Variants in RXFP3 observed in about 807,000 individuals in gnomAD.
RXFP3 encodes relaxin-3 receptor 1.
A neutral mutation model predicts 27.3 loss-of-function variants in RXFP3; 31 were observed. The observed-to-expected ratio is 1.13, with a 90% confidence interval of 0.85 to 1.53. The LOEUF is 1.53. RXFP3 is among the 40% of genes most tolerant of loss of function. RXFP3 has a pLI of 0.00. For synonymous variants in RXFP3, 351 were observed against 293.6 expected, an observed-to-expected ratio of 1.20 and a Z score of -2.00; for missense variants, 684 against 642.1, an observed-to-expected ratio of 1.07 and a Z score of -0.70.
In RXFP3 at chr5:33,936,763, C is replaced by T. The variant is rs1751671451; in HGVS notation, c.23C>T (p.Thr8Met). 6.6e-7 allele frequency: 1 copy of T among 1,525,028 alleles called. No individual in the cohort carries two copies. The highest frequency in any genetic ancestry group is 8.8e-7 in the Non-Finnish European group (1 of 1,134,062). The allele number at this position is 1,525,028 out of a possible 1,614,324, so 94.5% of individuals were successfully genotyped here. A position where few individuals can be genotyped will look rare whatever the true frequency, so the allele number is the denominator to read the frequency against. MQMADAA[T>M]IATMNKAAGG... ...CGCATGCAGATGGCCGATGCAGCCA[C>T]GATAGCCACCATGAATAAGGCAGCA... The change falls in exon 1 of 1, where the codon ACG (threonine) becomes ATG (methionine). Residue 8 changes from threonine to methionine, a missense_variant. Coordinates refer to ENST00000330120, the MANE Select transcript of RXFP3 (RefSeq NM_016568.3).
chr5:33,938,022 G>T lies in RXFP3; in HGVS notation c.1282G>T (p.Asp428Tyr). 6.2e-7 allele frequency: 1 copy of T among 1,612,736 alleles called. No homozygotes were observed. Among genetic ancestry groups the T allele is most frequent in the Non-Finnish European group, 8.5e-7 (1 of 1,179,912 alleles). ...FTATTKPEHE[D>Y]QGLQAPAPPH... is the part of the protein sequence containing the mutation. Reference sequence around the variant, plus strand: ...CGCCACTACCAAGCCGGAGCACGAGGATCAGGGGCTGCAGGCCCCGGCGCC... The same window carrying T: ...CGCCACTACCAAGCCGGAGCACGAGTATCAGGGGCTGCAGGCCCCGGCGCC... Residue 428 changes from aspartate to tyrosine, a missense_variant, in exon 1 of 1, where the codon GAT (aspartate) becomes TAT (tyrosine). Physicochemically the swap from Asp to Tyr is radical, Grantham distance 160 (BLOSUM62 -3). Transcript: ENST00000330120.
Position 33,937,854 on chromosome 5 carries a change from C to T in RXFP3, c.1114C>T (p.Pro372Ser). 6.2e-7 allele frequency: 1 copy of T among 1,614,194 alleles called. No individual in the cohort carries two copies. The highest frequency in any genetic ancestry group is 8.5e-7 in the Non-Finnish European group (1 of 1,180,044). ...TTTCCTGTGCCAGGTATACGCGTTC[C>T]CTGTGAGCGTGTGCCTAGCGCACTC... ...EYFLCQVYAF[P>S]VSVCLAHSNS... is the part of the protein sequence containing the mutation. Residue 372 changes from proline (P) to serine (S), a missense_variant, in exon 1 of 1, where the codon CCT becomes TCT. Coordinates refer to ENST00000330120, the MANE Select transcript of RXFP3 (RefSeq NM_016568.3).
In RXFP3 at chr5:33,938,138, C is replaced by T. The variant is rs573451831; in HGVS notation, c.1398C>T (p.Ser466=). 1.9e-5 allele frequency: 30 copies of T among 1,599,244 alleles called. No homozygotes were observed. The highest frequency in any genetic ancestry group is 3.5e-4 in the Middle Eastern group (2 of 5,760). The part of the protein sequence containing the change: ...SGGRYDLLPS[S]SAY ...GGCGCTACGACCTGCTGCCCAGCAG[C>T]TCTGCCTACTGACGCAGGCCTCAGG... Residue 466 remains serine, a synonymous_variant, in exon 1 of 1, where the codon AGC becomes AGT. Transcript: ENST00000330120.
At position 33,937,972 on chromosome 5, in the gene RXFP3, C is replaced by A; in HGVS notation, c.1232C>A (p.Ser411Ter). 1 of 1,613,144 alleles carries A rather than the reference C, an allele frequency of 6.2e-7. No individual in the cohort carries two copies. Among genetic ancestry groups the A allele is most frequent in the Non-Finnish European group, 8.5e-7 (1 of 1,180,034 alleles). The change falls in exon 1 of 1, where the codon TCG (serine) becomes TAG (stop). Residue 411 changes from serine to a stop codon, truncating the protein, a stop_gained. Coordinates refer to ENST00000330120, the MANE Select transcript of RXFP3 (RefSeq NM_016568.3). LOFTEE classifies it high-confidence loss of function. ...CTGCTGTGGCGCATCGCGTCTCCTT[C>A]GATCACCAGCATGCGCCCCTTCACC... ...KSLLWRIASP[S>*]ITSMRPFTAT...
chr5:33,938,157 C>A lies in RXFP3; in HGVS notation c.*7C>A. Reference sequence around the variant, plus strand: ...CAGCAGCTCTGCCTACTGACGCAGGCCTCAGGCCCAGGGCGCGCCGTCGGG... The same window carrying A: ...CAGCAGCTCTGCCTACTGACGCAGGACTCAGGCCCAGGGCGCGCCGTCGGG... On this transcript the variant is annotated 3_prime_UTR_variant, in exon 1 of 1. Transcript: ENST00000330120. The A allele has an allele frequency of 6.3e-7, 1 of 1,579,078 alleles. No individual in the cohort carries two copies. Among genetic ancestry groups the A allele is most frequent in the Non-Finnish European group, 8.6e-7 (1 of 1,164,194 alleles).
chr5:33,937,960 T>C lies in RXFP3; in HGVS notation c.1220T>C (p.Ile407Thr), dbSNP rs758817141. The change falls in exon 1 of 1, where the codon ATC (isoleucine) becomes ACC (threonine). Residue 407 changes from isoleucine to threonine, a missense_variant. Ile to Thr is a moderately conservative substitution (Grantham distance 89). Coordinates refer to ENST00000330120, the MANE Select transcript of RXFP3 (RefSeq NM_016568.3). ...GCGCTCAAGAGCCTGCTGTGGCGCA[T>C]CGCGTCTCCTTCGATCACCAGCATG... ...RKALKSLLWR[I>T]ASPSITSMRP... The C allele has an allele frequency of 8.7e-6, 14 of 1,613,352 alleles. No homozygotes were observed. The South Asian group carries it at 1.5e-4, about 18-fold the overall frequency.
At position 33,938,056 on chromosome 5, in the gene RXFP3, C is replaced by T; in HGVS notation, c.1316C>T (p.Ala439Val). 6.2e-7 allele frequency: 1 copy of T among 1,611,528 alleles called. No individual in the cohort carries two copies. The highest frequency in any genetic ancestry group is 8.5e-7 in the Non-Finnish European group (1 of 1,179,478). The change falls in exon 1 of 1, where the codon GCG (alanine) becomes GTG (valine). Residue 439 changes from alanine to valine, a missense_variant. Ala to Val is a moderately conservative substitution (Grantham distance 64, BLOSUM62 0). Coordinates refer to ENST00000330120, the MANE Select transcript of RXFP3 (RefSeq NM_016568.3). ...QGLQAPAPPH[A>V]AAEPDLLYYP... ...CTGCAGGCCCCGGCGCCGCCCCACG[C>T]GGCCGCGGAGCCGGACCTGCTCTAC...
At position 33,937,660 on chromosome 5, in the gene RXFP3, C is replaced by A. The variant is rs1157944873; in HGVS notation, c.920C>A (p.Ala307Glu). The A allele has an allele frequency of 6.8e-6, 11 of 1,606,448 alleles. 1 individual carries two copies. The Middle Eastern group carries it at 1.2e-3, about 172-fold the overall frequency. ...GCGGCGGGGACCAAAGGAGGGGCCGCGGTAGCCGGAGGACGCCCGACCGGA... is the reference window on the plus strand; with the variant it reads ...GCGGCGGGGACCAAAGGAGGGGCCGAGGTAGCCGGAGGACGCCCGACCGGA... ...RRAAGTKGGA[A>E]VAGGRPTGAS... is the part of the protein sequence containing the mutation. The change falls in exon 1 of 1, where the codon GCG (alanine) becomes GAG (glutamate). Residue 307 changes from alanine (A) to glutamate (E), a missense_variant. Ala to Glu is a moderately radical substitution (Grantham distance 107). Coordinates refer to ENST00000330120, the MANE Select transcript of RXFP3 (RefSeq NM_016568.3).
Position 33,937,460 on chromosome 5 carries a change from G to A in RXFP3, c.720G>A (p.Lys240=). The A allele has an allele frequency of 1.2e-6, 2 of 1,609,680 alleles. No individual in the cohort carries two copies. The highest frequency in any genetic ancestry group is 1.7e-6 in the Non-Finnish European group (2 of 1,178,118). Residue 240 remains lysine (K), a synonymous_variant, in exon 1 of 1, where the codon AAG becomes AAA. Transcript: ENST00000330120. ...GTGCCATTTTCTCCACCACGGTCAA[G>A]GTGATGGGCGAGGAGCTGTGCCTGG... ...LPSAIFSTTV[K]VMGEELCLVR...
chr5:33,937,761 C>T lies in RXFP3; in HGVS notation c.1021C>T (p.Pro341Ser), dbSNP rs1751701929. The T allele has an allele frequency of 1.2e-6, 2 of 1,613,956 alleles. No individual in the cohort carries two copies. The change falls in exon 1 of 1, where the codon CCC becomes TCC. Residue 341 changes from proline to serine, a missense_variant. Coordinates refer to ENST00000330120, the MANE Select transcript of RXFP3 (RefSeq NM_016568.3). ...VVLSFFLCWLPNQALTTWSIL... is the reference protein window; with the variant it reads ...VVLSFFLCWLSNQALTTWSIL... ...CCTGTCCTTCTTCCTGTGTTGGCTG[C>T]CCAACCAGGCGCTCACCACCTGGAG...
Position 33,936,592 on chromosome 5 carries a change from C to G in RXFP3, c.-149C>G, listed in dbSNP as rs1209697136. The G allele has an allele frequency of 1.4e-6, 1 of 705,738 alleles. No individual in the cohort carries two copies. The highest frequency in any genetic ancestry group is 2.2e-6 in the Non-Finnish European group (1 of 462,966). 43.7% of individuals were successfully genotyped at this position (705,738 alleles called of 1,614,324 possible). ...AGGGCGTTCGCTGCGCGCCAGGACGCGCTTAGTACCCAGTTCCTGGGCTCT... is the reference window on the plus strand; with the variant it reads ...AGGGCGTTCGCTGCGCGCCAGGACGGGCTTAGTACCCAGTTCCTGGGCTCT... On this transcript the variant is annotated 5_prime_UTR_variant, in exon 1 of 1. Transcript: ENST00000330120.
rs1383115390 is a variant in RXFP3 at position 33,936,638 on chromosome 5, A to T, written c.-103A>T. ...GCTCTCTCTTCAGTAGCTGCTTTGA[A>T]AGCTCCCACGCACGTCCCGCAGGCT... On this transcript the variant is annotated 5_prime_UTR_variant, in exon 1 of 1. Transcript: ENST00000330120. 1.7e-6 allele frequency: 2 copies of T among 1,163,024 alleles called. No homozygotes were observed. Among genetic ancestry groups the T allele is most frequent in the Non-Finnish European group, 2.4e-6 (2 of 847,448 alleles). The allele number at this position is 1,163,024 out of a possible 1,614,324, so 72.0% of individuals were successfully genotyped here. A position where few individuals can be genotyped will look rare whatever the true frequency, so the allele number is the denominator to read the frequency against.
Position 33,938,604 on chromosome 5 carries a change from G to T in RXFP3, c.*454G>T, listed in dbSNP as rs1313009395. Among the ~76,000 whole-genome samples the T allele has an allele frequency of 2.0e-5, 3 of 152,226 alleles. No homozygotes were observed. The highest frequency in any genetic ancestry group is 4.4e-5 in the Non-Finnish European group (3 of 68,034). On this transcript the variant is annotated 3_prime_UTR_variant, in exon 1 of 1. Transcript: ENST00000330120. ...GCCGTCGGCACAAACACTCCTTTGCGTCTTGGCAAACGAGACTGCAGCAGC... is the reference window on the plus strand; with the variant it reads ...GCCGTCGGCACAAACACTCCTTTGCTTCTTGGCAAACGAGACTGCAGCAGC...
chr5:33,936,682 G>T lies in RXFP3; in HGVS notation c.-59G>T. 6.9e-7 allele frequency: 1 copy of T among 1,456,288 alleles called. No homozygotes were observed. The highest frequency in any genetic ancestry group is 2.3e-5 in the East Asian group (1 of 43,086). 90.2% of individuals were successfully genotyped at this position (1,456,288 alleles called of 1,614,324 possible). ...GCAGGCTAGCCTGGCAACAAAACTG[G>T]GGTAAACCGTGTTATCTTAGGTCTT... On this transcript the variant is annotated 5_prime_UTR_variant, in exon 1 of 1. Transcript: ENST00000330120.
In RXFP3 at chr5:33,937,008, G is replaced by A; in HGVS notation, c.268G>A (p.Val90Met). ...GATTCTCATCAGCGTGGTGTACTGG[G>A]TGGTGTGCGCCCTGGGGTTGGCGGG... Reference protein sequence around the residue: ...VRILISVVYWVVCALGLAGNL... With the variant: ...VRILISVVYWMVCALGLAGNL... The change falls in exon 1 of 1, where the codon GTG (valine) becomes ATG (methionine). Residue 90 changes from valine (V) to methionine (M), a missense_variant. Val to Met is a conservative substitution (Grantham distance 21). Transcript: ENST00000330120. 1 of 1,614,070 alleles carries A rather than the reference G, an allele frequency of 6.2e-7. No homozygotes were observed. The highest frequency in any genetic ancestry group is 1.1e-5 in the South Asian group (1 of 91,070).
chr5:33,937,214 G>A lies in RXFP3; in HGVS notation c.474G>A (p.Val158=), dbSNP rs761324053. The A allele has an allele frequency of 1.2e-6, 2 of 1,614,174 alleles. No individual in the cohort carries two copies. Among genetic ancestry groups the A allele is most frequent in the South Asian group, 2.2e-5 (2 of 91,090 alleles). ...TCGGCAAGGCCATGTGTAAGATCGT[G>A]TCCATGGTGACGTCCATGAACATGT... ...WPFGKAMCKI[V]SMVTSMNMYA... Residue 158 remains valine (V), a synonymous_variant, in exon 1 of 1, where the codon GTG becomes GTA. Coordinates refer to ENST00000330120, the MANE Select transcript of RXFP3 (RefSeq NM_016568.3).
Position 33,938,288 on chromosome 5 carries a change from AG to A in RXFP3, c.*140del, listed in dbSNP as rs1751723158. Reference sequence around the variant, plus strand: ...GAGGAGGATGGGCAGAGCATGGAGGAGGAGCCTGTGGATAGGCCGAGGACCT... The same window carrying A: ...GAGGAGGATGGGCAGAGCATGGAGGAGAGCCTGTGGATAGGCCGAGGACCT... On this transcript the variant is annotated 3_prime_UTR_variant, in exon 1 of 1. Transcript: ENST00000330120. The A allele has an allele frequency of 1.3e-6, 1 of 743,002 alleles. No individual in the cohort carries two copies. Among genetic ancestry groups the A allele is most frequent in the African/African-American group, 1.8e-5 (1 of 56,196 alleles). The allele number at this position is 743,002 out of a possible 1,614,324, so 46.0% of individuals were successfully genotyped here. A position where few individuals can be genotyped will look rare whatever the true frequency, so the allele number is the denominator to read the frequency against.
rs752622958 is a variant in RXFP3, at chr5:33,937,569, G to A, written c.829G>A (p.Val277Met). The A allele has an allele frequency of 6.4e-7, 1 of 1,570,158 alleles. No homozygotes were observed. Among genetic ancestry groups the A allele is most frequent in the Non-Finnish European group, 8.6e-7 (1 of 1,157,858 alleles). Residue 277 changes from valine (V) to methionine (M), a missense_variant, in exon 1 of 1, where the codon GTG (valine) becomes ATG (methionine). Transcript: ENST00000330120. ...CTCGCAGAAGGTGCTGCTGGGCTTCGTGCTGCCGCTGGGCATCATTATCTT... is the reference window on the plus strand; with the variant it reads ...CTCGCAGAAGGTGCTGCTGGGCTTCATGCTGCCGCTGGGCATCATTATCTT... ...YHSQKVLLGF[V>M]LPLGIIILCY...
Position 33,937,283 on chromosome 5 carries a change from C to T in RXFP3, c.543C>T (p.Tyr181=). The T allele has an allele frequency of 1.2e-6, 2 of 1,613,600 alleles. No homozygotes were observed. Among genetic ancestry groups the T allele is most frequent in the East Asian group, 2.2e-5 (1 of 44,878 alleles). ...FFLTAMSVTR[Y]HSVASALKSH... ...TCACTGCCATGAGTGTGACGCGCTA[C>T]CATTCGGTGGCCTCGGCTCTGAAGA... Residue 181 remains tyrosine, a synonymous_variant, in exon 1 of 1, where the codon TAC becomes TAT. Transcript: ENST00000330120.
Sources: gnomAD v4.1 joint callset for allele counts (sites outside exome capture counted in the v4.1 genomes callset) on GRCh38, gnomAD v4.1.1 for gene constraint, MANE v1.5 for transcripts, NCBI Gene and HGNC (gene_info 2026-07-23, HGNC 2026-07-21) for gene names.